Variants in PHTF2 observed in about 807,000 individuals in gnomAD.
PHTF2 encodes protein PHTF2.
Under a neutral mutation model 101.2 loss-of-function variants are expected in PHTF2, and 60 were observed. The observed-to-expected ratio is 0.59, with a 90% CI of 0.48 to 0.73. The LOEUF is 0.73. Ranked by LOEUF, PHTF2 falls within the 30% of genes least tolerant of loss-of-function variation. The probability of loss-of-function intolerance (pLI) is 0.00; values close to 1 mark genes in which losing one functional copy is unlikely to be tolerated. For missense variants in PHTF2, 747 were observed against 908.7 expected (o/e 0.82, Z 2.29); for synonymous variants, 311 against 307.3 (o/e 1.01, Z -0.13).
intron 3 of PHTF2, among the ~76,000 whole-genome samples, chr7:77,879,469 T>C (rs1033418950): frequency 2.6e-5 from 4 of 152,088 alleles, no homozygotes; most frequent in Admixed American, 1.3e-4. Context: ...ACAAAGCTGT[T>C]TGCCGGGCTC....
chr7:77,874,471 CT>C (rs1798771093), intron 3 of PHTF2, among the ~76,000 whole-genome samples: 1 of 152,116 alleles, frequency 6.6e-6, no homozygotes, highest in Non-Finnish European at 1.5e-5. Flanking sequence ...CGTCTGCAAG[CT>C]GAGGAGCAAG....
At chr7:77,856,390 C>T (rs932808521) in intron 3 of PHTF2, among the ~76,000 whole-genome samples, 8 of 152,112 alleles carry the variant, frequency 5.3e-5, no homozygotes, top group African/African-American at 1.7e-4. Context: ...GTGCCTTGCT[C>T]TGTCTCCCAG....
intron 3 of PHTF2, among the ~76,000 whole-genome samples, chr7:77,883,980 G>A (rs1203040948): frequency 6.6e-6 from 1 of 152,210 alleles, no homozygotes; most frequent in Non-Finnish European, 1.5e-5. Flanking sequence ...TTTCAGTTCT[G>A]TGAAATGTGT....
intron 13 of PHTF2, among the ~76,000 whole-genome samples, chr7:77,938,256 T>C (rs1805325262): frequency 6.6e-6 from 1 of 152,182 alleles, no homozygotes; most frequent in African/African-American, 2.4e-5. Flanking sequence ...TAATAGGACT[T>C]AAGACATGAA....
At chr7:77,890,281 C>G (rs767994688) in intron 3 of PHTF2, among the ~76,000 whole-genome samples, 1 of 152,178 alleles carries the variant, frequency 6.6e-6, no homozygotes, top group Non-Finnish European at 1.5e-5. Context: ...ACCTTTCTAA[C>G]CTCGGGCCTA....
intron 19 of PHTF2, among the ~76,000 whole-genome samples, chr7:77,954,638 A>ATATATATGTATGTGTATATATATATATG (rs1562982907): frequency 1.4e-5 from 2 of 139,104 alleles, no homozygotes; most frequent in African/African-American, 5.1e-5. Flanking sequence ...ATATATATAT[A>ATATATATGTATGTGTATATATATATATG]TATATATAGC....
intron 12 of PHTF2, among the ~76,000 whole-genome samples, chr7:77,934,830 G>A: frequency 6.6e-6 from 1 of 151,868 alleles, no homozygotes; most frequent in Non-Finnish European, 1.5e-5. Flanking sequence ...ACGGTGGCAG[G>A]CACCTGTAAT....
intron 2 of PHTF2, chr7:77,854,639 A>C (rs1444118010): frequency 1.5e-6 from 1 of 652,020 alleles, no homozygotes; most frequent in African/African-American, 1.8e-5. Flanking sequence ...GAATCTTAGA[A>C]ATCTACTCCA....
intron 11 of PHTF2, among the ~76,000 whole-genome samples, chr7:77,926,291 A>G (rs778685975): frequency 6.6e-6 from 1 of 152,232 alleles, no homozygotes; most frequent in Non-Finnish European, 1.5e-5. Context: ...CTTGCTAATG[A>G]AAACTGGTGA....
At chr7:77,936,071 G>C (rs1805097246) in intron 12 of PHTF2, among the ~76,000 whole-genome samples, 1 of 152,076 alleles carries the variant, frequency 6.6e-6, no homozygotes, top group South Asian at 2.1e-4. Context: ...TGTATACCAT[G>C]AAAGTTAAAG....
At chr7:77,813,156 G>A (rs2150493747) in intron 1 of PHTF2, among the ~76,000 whole-genome samples, 1 of 152,172 alleles carries the variant, frequency 6.6e-6, no homozygotes, top group Middle Eastern at 3.4e-3. Flanking sequence ...TTTATACATG[G>A]TATTTAAACC....
At chr7:77,857,040 T>C (rs1797240006) in intron 3 of PHTF2, among the ~76,000 whole-genome samples, 1 of 152,228 alleles carries the variant, frequency 6.6e-6, no homozygotes. Flanking sequence ...ACTAATACTC[T>C]TCCTTTGATC....
intron 13 of PHTF2, among the ~76,000 whole-genome samples, chr7:77,939,635 C>G (rs1040097197): frequency 6.8e-6 from 1 of 147,488 alleles, no homozygotes; most frequent in African/African-American, 2.5e-5. Flanking sequence ...CCTCAAGTTA[C>G]AAATGTACAA....
chr7:77,811,915 A>T (rs908390537), intron 1 of PHTF2, among the ~76,000 whole-genome samples: 1 of 152,166 alleles, frequency 6.6e-6, no homozygotes, highest in Non-Finnish European at 1.5e-5. Flanking sequence ...ATACAGCTTT[A>T]TTTTCAGAAA....
intron 2 of PHTF2, among the ~76,000 whole-genome samples, chr7:77,840,622 C>T (rs866283540): frequency 3.3e-5 from 5 of 152,078 alleles, no homozygotes; most frequent in South Asian, 2.1e-4. Context: ...AGAGCTGTTA[C>T]ATAACTTATA....
At chr7:77,903,105 CATA>C (rs1801546805) in intron 7 of PHTF2, among the ~76,000 whole-genome samples, 1 of 151,932 alleles carries the variant, frequency 6.6e-6, no homozygotes, top group Admixed American at 6.6e-5. Flanking sequence ...TACCTAATGT[CATA>C]ATATCAAAGT....
chr7:77,900,047 C>T (rs547549993), intron 5 of PHTF2, among the ~76,000 whole-genome samples: 1 of 152,094 alleles, frequency 6.6e-6, no homozygotes, highest in South Asian at 2.1e-4. Flanking sequence ...CTTAATTTTA[C>T]TCAGTGTTCA....
chr7:77,803,141 A>G (rs1792690348), intron 1 of PHTF2, among the ~76,000 whole-genome samples: 2 of 152,144 alleles, frequency 1.3e-5, no homozygotes, highest in Non-Finnish European at 2.9e-5. Context: ...AATATGCTGG[A>G]TTTTATTCTG....
chr7:77,933,284 A>G lies in PHTF2; in HGVS notation c.1338+3957A>G, dbSNP rs192499836. Among the ~76,000 whole-genome samples, 17 of 152,322 alleles carry G rather than the reference A, an allele frequency of 1.1e-4. No homozygotes were observed. In the East Asian group the frequency reaches 2.9e-3, roughly 26 times the overall value. On this transcript the variant is annotated intron_variant, in intron 12 of 19. Coordinates refer to ENST00000416283, the Ensembl canonical transcript of PHTF2. ...TAAATAAATAAATAGTTGCTCTTCA[A>G]GGGACAGGAGAGGGGATGATTGAAA...
Sources: gnomAD v4.1 joint callset for allele counts (sites outside exome capture counted in the v4.1 genomes callset) on GRCh38, gnomAD v4.1.1 for gene constraint, MANE v1.5 for transcripts, NCBI Gene and HGNC (gene_info 2026-07-23, HGNC 2026-07-21) for gene names.